AGO2: variants seen among roughly 807,000 people sequenced by gnomAD.
The protein encoded by AGO2 is protein argonaute-2.
In AGO2, 5 loss-of-function variants were observed where a neutral mutation model predicts 102.3. The ratio of observed to expected loss-of-function variants is 0.05; its 90% CI spans 0.03 to 0.10. The LOEUF (loss-of-function observed/expected upper bound fraction) is 0.10. AGO2 is among the 10% of genes least tolerant of loss of function. The pLI is 1.00. For synonymous variants in AGO2, 449 were observed against 473.1 expected, an observed-to-expected ratio of 0.95 and a Z score of 0.66; for missense variants, 541 against 1,183.7, an observed-to-expected ratio of 0.46 and a Z score of 7.97.
At chr8:140,631,024 A>T (rs1456823332) in intron 1 of AGO2, among the ~76,000 whole-genome samples, 1 of 152,206 alleles carries the variant, frequency 6.6e-6, no homozygotes, top group African/African-American at 2.4e-5. Context: ...ACTGCACTCC[A>T]GCTTGGGCAA....
Position 140,543,686 on chromosome 8 carries a change from A to G in AGO2, c.1839+527T>C, listed in dbSNP as rs115526370. ...GAATGTAAGCATTTTCTGAGCATCT[A>G]CTATGTGCCAGGCACCGTGCCAGGG... On this transcript the variant is annotated intron_variant, in intron 14 of 18. Coordinates refer to ENST00000220592, the MANE Select transcript of AGO2 (RefSeq NM_012154.5). Among the ~76,000 whole-genome samples the G allele has an allele frequency of 8.7e-3, 1,324 of 152,332 alleles. 17 individuals are homozygous for G. Among genetic ancestry groups the G allele is most frequent in the African/African-American group, 0.03 (1,260 of 41,570 alleles).
rs1008790719 is a variant in AGO2, at chr8:140,549,159, G to A, written c.1543C>T (p.Leu515=). The A allele has an allele frequency of 6.2e-7, 1 of 1,612,982 alleles. No individual in the cohort carries two copies. The highest frequency in any genetic ancestry group is 8.5e-7 in the Non-Finnish European group (1 of 1,179,558). Residue 515 remains leucine, a synonymous_variant, in exon 12 of 19, where the codon CTG becomes TTG. Transcript: ENST00000220592. ...GGCAGGATGACCACCACCAGCTGCAGGCCCGCATACGTGTTCTTCAGGTGC... is the reference window on the plus strand; with the variant it reads ...GGCAGGATGACCACCACCAGCTGCAAGCCCGCATACGTGTTCTTCAGGTGC... The part of the protein sequence containing the change: ...FRHLKNTYAG[L]QLVVVILPGK...
intron 1 of AGO2, among the ~76,000 whole-genome samples, chr8:140,586,408 G>A (rs576829701): frequency 2.6e-5 from 4 of 152,194 alleles, no homozygotes; most frequent in South Asian, 2.1e-4. Flanking sequence ...CAGGAGAACC[G>A]CTTGAACGCG....
intron 16 of AGO2, 80 bp from the exon 17 acceptor site, chr8:140,535,649 C>A: frequency 1.4e-6 from 2 of 1,384,724 alleles, no homozygotes; most frequent in South Asian, 1.2e-5. Flanking sequence ...CCGCGCCGCC[C>A]GCTGGCCAGG....
At chr8:140,549,944 C>T (rs1210270071) in intron 11 of AGO2, among the ~76,000 whole-genome samples, 4 of 152,120 alleles carry the variant, frequency 2.6e-5, no homozygotes. Flanking sequence ...ACAATAAGGG[C>T]GAGGACACGG....
chr8:140,621,073 G>A (rs918008641), intron 1 of AGO2, among the ~76,000 whole-genome samples: 4 of 152,102 alleles, frequency 2.6e-5, no homozygotes, highest in Non-Finnish European at 5.9e-5. Flanking sequence ...AGTTCTATGG[G>A]CAGCAGCCTC....
At chr8:140,538,944 TA>T (rs1051706766) in intron 16 of AGO2, among the ~76,000 whole-genome samples, 1 of 149,388 alleles carries the variant, frequency 6.7e-6, no homozygotes, top group Admixed American at 6.7e-5. Flanking sequence ...CTACAAAAAA[TA>T]AAAAAAAAAT....
chr8:140,570,380 T>C (rs2073359484), intron 3 of AGO2, among the ~76,000 whole-genome samples: 1 of 148,268 alleles, frequency 6.7e-6, no homozygotes, highest in Non-Finnish European at 1.5e-5. Flanking sequence ...CGTGTGCCCC[T>C]ATGCTTGGCT....
chr8:140,581,253 G>T (rs187001525), intron 2 of AGO2, among the ~76,000 whole-genome samples: 1 of 152,302 alleles, frequency 6.6e-6, no homozygotes, highest in East Asian at 1.9e-4. Flanking sequence ...ACAGGCTCAC[G>T]CCTGTAATTC....
At chr8:140,627,665 T>C (rs1307937076) in intron 1 of AGO2, among the ~76,000 whole-genome samples, 2 of 152,190 alleles carry the variant, frequency 1.3e-5, no homozygotes, top group Non-Finnish European at 2.9e-5. Context: ...ATATAGGTCC[T>C]TAAAAACAGG....
chr8:140,601,445 C>T (rs972545572), intron 1 of AGO2, among the ~76,000 whole-genome samples: 9 of 152,252 alleles, frequency 5.9e-5, no homozygotes, highest in Admixed American at 4.6e-4. Context: ...AGGCACACCC[C>T]AAAGAGAAAT....
intron 3 of AGO2, among the ~76,000 whole-genome samples, chr8:140,571,116 T>C (rs1203742294): frequency 6.6e-6 from 1 of 152,208 alleles, no homozygotes; most frequent in Non-Finnish European, 1.5e-5. Context: ...GTCTAGGACT[T>C]GCTCCTCTTG....
chr8:140,562,765 G>A (rs2073224175), intron 3 of AGO2, 131 bp from the exon 4 acceptor site: 4 of 948,004 alleles, frequency 4.2e-6, no homozygotes, highest in African/African-American at 1.6e-5. Flanking sequence ...CCAACCACTA[G>A]CCACATGTGG....
the AGO2 span, among the ~76,000 whole-genome samples, chr8:140,642,004 T>A: frequency 3.3e-5 from 5 of 151,154 alleles, no homozygotes; most frequent in Non-Finnish European, 7.4e-5. Context: ...ATCACGCCAC[T>A]GTACGTCAGC....
At chr8:140,560,011 C>T (rs1275693396) in intron 5 of AGO2, among the ~76,000 whole-genome samples, 1 of 152,196 alleles carries the variant, frequency 6.6e-6, no homozygotes, top group Non-Finnish European at 1.5e-5. Context: ...GAGAGGGCAG[C>T]GGATGTCCTG....
intron 3 of AGO2, among the ~76,000 whole-genome samples, chr8:140,571,084 G>A (rs915324192): frequency 6.6e-6 from 1 of 152,176 alleles, no homozygotes; most frequent in African/African-American, 2.4e-5. Flanking sequence ...AGGGGTGATC[G>A]TGCTTGACTG....
Position 140,535,564 on chromosome 8 carries a change from C to T in AGO2, c.2175G>A (p.Gly725=). Residue 725 remains glycine, a synonymous_variant, in exon 17 of 19, where the codon GGG becomes GGA. Transcript: ENST00000220592. ...LFCTDKNERV[G]KSGNIPAGTT... ...TGCCTGCTGGAATGTTTCCACTTTT[C>T]CCAACCTTCGGCAACACAGGCATCT... 2 of 1,614,224 alleles carry T rather than the reference C, an allele frequency of 1.2e-6. No homozygotes were observed. Among genetic ancestry groups the T allele is most frequent in the South Asian group, 2.2e-5 (2 of 91,088 alleles).
intron 1 of AGO2, among the ~76,000 whole-genome samples, chr8:140,612,115 C>G (rs527511469): frequency 1.3e-5 from 2 of 150,498 alleles, no homozygotes; most frequent in Non-Finnish European, 1.5e-5. Context: ...CCCAGCTACT[C>G]GGGAGGCTGA....
At chr8:140,616,728 T>G (rs1237193937) in intron 1 of AGO2, among the ~76,000 whole-genome samples, 2 of 152,194 alleles carry the variant, frequency 1.3e-5, no homozygotes, top group East Asian at 1.9e-4. Context: ...CCCCTAGAAC[T>G]GCCCAATACC....
Sources: gnomAD v4.1 joint callset for allele counts (sites outside exome capture counted in the v4.1 genomes callset) on GRCh38, gnomAD v4.1.1 for gene constraint, MANE v1.5 for transcripts, NCBI Gene and HGNC (gene_info 2026-07-23, HGNC 2026-07-21) for gene names.